The following ROR1 variants were observed in gnomAD, a reference collection of about 807,000 sequenced individuals.
ROR1 encodes ROR family WNT receptor 1, also known as inactive tyrosine-protein kinase transmembrane receptor ROR1.
Under a neutral mutation model 78.8 loss-of-function variants are expected in ROR1, and 19 were observed. The ratio of observed to expected loss-of-function variants is 0.24; its 90% CI spans 0.17 to 0.35. The LOEUF is 0.35. Ranked by LOEUF, ROR1 falls within the 10% of genes least tolerant of loss-of-function variation. The pLI is 1.00. For missense variants in ROR1, 917 were observed against 1,177.8 expected (o/e 0.78, Z 3.24); for synonymous variants, 386 against 433.6 (o/e 0.89, Z 1.36).
intron 1 of ROR1, among the ~76,000 whole-genome samples, chr1:63,885,583 G>A (rs1179418698): frequency 6.6e-6 from 1 of 152,068 alleles, no homozygotes; most frequent in Non-Finnish European, 1.5e-5. Context: ...CAACAACGAG[G>A]TTTCTCTTTT....
chr1:64,062,350 T>C (rs1340508236), intron 4 of ROR1, among the ~76,000 whole-genome samples: 1 of 151,918 alleles, frequency 6.6e-6, no homozygotes, highest in African/African-American at 2.4e-5. Flanking sequence ...CTTGCTCTGT[T>C]GCCCAGGCTG....
chr1:64,127,740 C>T (rs1648763504), intron 4 of ROR1, among the ~76,000 whole-genome samples: 2 of 152,122 alleles, frequency 1.3e-5, no homozygotes, highest in Non-Finnish European at 2.9e-5. Flanking sequence ...CTCAATAGGG[C>T]ATAATGGTAG....
intron 4 of ROR1, among the ~76,000 whole-genome samples, chr1:64,099,451 GAT>G (rs1647431456): frequency 6.6e-6 from 1 of 152,084 alleles, no homozygotes; most frequent in African/African-American, 2.4e-5. Context: ...GTGTGAGAAG[GAT>G]AACAAAAGTC....
rs12568339 is a variant in ROR1, at chr1:63,905,634, T to C, written c.92-103671T>C. ...GGATGGAAAAAGCTGTCACAAGATA[T>C]CTATAATCTGTTGTTTGGGTCATGG... On this transcript the variant is annotated intron_variant, in intron 1 of 8. Transcript: ENST00000371079. Among the ~76,000 whole-genome samples the C allele has an allele frequency of 2.9e-4, 44 of 152,310 alleles. No homozygotes were observed. The East Asian group carries it at 8.5e-3, about 29-fold the overall frequency.
chr1:64,022,877 T>C (rs1646576179), intron 2 of ROR1, among the ~76,000 whole-genome samples: 1 of 152,230 alleles, frequency 6.6e-6, no homozygotes, highest in South Asian at 2.1e-4. Context: ...ATGCTTTCTG[T>C]TGATGTTGAC....
At chr1:63,844,118 A>G (rs1349329534) in intron 1 of ROR1, among the ~76,000 whole-genome samples, 1 of 152,144 alleles carries the variant, frequency 6.6e-6, no homozygotes, top group Non-Finnish European at 1.5e-5. Flanking sequence ...CATTGCTAAC[A>G]TTAGGATGAT....
rs57300578 is a variant in ROR1 at position 63,805,984 on chromosome 1, A to T, written c.91+31476A>T. ...CAGCCCAATATGATTGCATGACTGC[A>T]CTCAAGGCTGGGCAACAAAGCGAGA... On this transcript the variant is annotated intron_variant, in intron 1 of 8. Transcript: ENST00000371079. 6.4e-3 allele frequency among the ~76,000 whole-genome samples: 975 copies of T among 152,344 alleles called. 13 individuals are homozygous for T. The highest frequency in any genetic ancestry group is 0.022 in the African/African-American group (932 of 41,582).
chr1:63,949,103 C>T (rs1645913334), intron 1 of ROR1, among the ~76,000 whole-genome samples: 1 of 152,128 alleles, frequency 6.6e-6, no homozygotes, highest in Non-Finnish European at 1.5e-5. Flanking sequence ...GGTGTACTTT[C>T]CTCAAGCCCC....
chr1:63,789,550 CAG>C (rs1211536635), intron 1 of ROR1, among the ~76,000 whole-genome samples: 1 of 151,644 alleles, frequency 6.6e-6, no homozygotes, highest in African/African-American at 2.4e-5. Flanking sequence ...TGGCAGGTAA[CAG>C]GGTGCCAGGA....
chr1:63,974,630 C>CT (rs1240681521), intron 1 of ROR1, among the ~76,000 whole-genome samples: 1 of 151,394 alleles, frequency 6.6e-6, no homozygotes, highest in East Asian at 1.9e-4. Context: ...AATGTAAACC[C>CT]TTTTTTTTCT....
chr1:63,879,438 T>G (rs998462649), intron 1 of ROR1, among the ~76,000 whole-genome samples: 4 of 152,110 alleles, frequency 2.6e-5, no homozygotes, highest in Non-Finnish European at 5.9e-5. Flanking sequence ...ACTAGAAAGA[T>G]AGCCTGTGGT....
intron 5 of ROR1, among the ~76,000 whole-genome samples, chr1:64,138,292 G>A (rs1160937177): frequency 6.6e-6 from 1 of 152,066 alleles, no homozygotes; most frequent in African/African-American, 2.4e-5. Flanking sequence ...AAAAATTCAG[G>A]ATACCCAGTA....
chr1:64,078,694 T>C (rs1054492158), intron 4 of ROR1, among the ~76,000 whole-genome samples: 2 of 151,984 alleles, frequency 1.3e-5, no homozygotes, highest in Admixed American at 6.6e-5. Context: ...ACCAAAGACA[T>C]AGACACATTC....
chr1:63,926,105 A>G (rs1470915010), intron 1 of ROR1, among the ~76,000 whole-genome samples: 2 of 152,136 alleles, frequency 1.3e-5, no homozygotes, highest in Non-Finnish European at 2.9e-5. Context: ...TAAGTCCTGA[A>G]TGGTAATGCC....
chr1:64,046,755 C>T (rs1646788337), intron 2 of ROR1, among the ~76,000 whole-genome samples: 1 of 152,218 alleles, frequency 6.6e-6, no homozygotes, highest in Non-Finnish European at 1.5e-5. Context: ...CAATGGGTCT[C>T]ATGGTACCAA....
chr1:63,874,105 A>G (rs182252291), intron 1 of ROR1, among the ~76,000 whole-genome samples: 4 of 152,288 alleles, frequency 2.6e-5, no homozygotes, highest in African/African-American at 7.2e-5. Flanking sequence ...TAAGTACAAG[A>G]TAGTTATTAT....
intron 1 of ROR1, among the ~76,000 whole-genome samples, chr1:63,888,142 A>G (rs537118526): frequency 2.6e-4 from 40 of 152,198 alleles, no homozygotes; most frequent in Non-Finnish European, 4.9e-4. Context: ...AGCAGTATCT[A>G]TTGGTCAGAG....
chr1:63,999,670 G>GTTC (rs1646367267), intron 1 of ROR1, among the ~76,000 whole-genome samples: 1 of 152,064 alleles, frequency 6.6e-6, no homozygotes, highest in Non-Finnish European at 1.5e-5. Context: ...AACAGAATAG[G>GTTC]TGCTCAATAA....
In ROR1 at chr1:63,969,710, C is replaced by T. The variant is rs368242364; in HGVS notation, c.92-39595C>T. On this transcript the variant is annotated intron_variant, in intron 1 of 8. Transcript: ENST00000371079. ...TGAACCGTCCAGTTCTGTGGATTCC[C>T]CCTCCCGTGTTGATCTCATTCATTT... Among the ~76,000 whole-genome samples, 16 of 152,226 alleles carry T rather than the reference C, an allele frequency of 1.1e-4. No homozygotes were observed. In the South Asian group the frequency reaches 2.7e-3, roughly 26 times the overall value.
Sources: gnomAD v4.1 joint callset for allele counts (sites outside exome capture counted in the v4.1 genomes callset) on GRCh38, gnomAD v4.1.1 for gene constraint, MANE v1.5 for transcripts, NCBI Gene and HGNC (gene_info 2026-07-23, HGNC 2026-07-21) for gene names.